Variants in CSMD1 observed in about 807,000 individuals in gnomAD.
CSMD1 encodes the protein CUB and Sushi multiple domains 1.
CSMD1 carries 213 observed loss-of-function variants against 417.5 expected under a neutral mutation model. The ratio of observed to expected loss-of-function variants is 0.51; its 90% confidence interval spans 0.46 to 0.57. CSMD1 has a LOEUF of 0.57. CSMD1 is among the 20% of genes least tolerant of loss of function. The pLI, the probability that CSMD1 is intolerant of heterozygous loss-of-function variation, is 0.00. For synonymous variants in CSMD1, 2,862 were observed against 1,736.8 expected (o/e 1.65, Z -16.11); for missense variants, 6,923 against 4,529.7 (o/e 1.53, Z -15.17).
intron 5 of CSMD1, among the ~76,000 whole-genome samples, chr8:3,894,245 A>G (rs1807193872): frequency 6.6e-6 from 1 of 152,106 alleles, no homozygotes; most frequent in Non-Finnish European, 1.5e-5. Context: ...AGCTGTCAAC[A>G]TCTGCAGTCC....
chr8:4,097,436 A>C (rs564910894), intron 3 of CSMD1, among the ~76,000 whole-genome samples: 1 of 152,364 alleles, frequency 6.6e-6, no homozygotes, highest in Non-Finnish European at 1.5e-5. Flanking sequence ...TACGCTAAAT[A>C]AAGCATCTTT....
chr8:4,377,873 A>T (rs1802855559), intron 3 of CSMD1, among the ~76,000 whole-genome samples: 1 of 152,222 alleles, frequency 6.6e-6, no homozygotes, highest in Admixed American at 6.5e-5. Flanking sequence ...ATTACTGCCG[A>T]AATGAATTGA....
At chr8:3,924,194 A>G (rs1471087899) in intron 5 of CSMD1, among the ~76,000 whole-genome samples, 2 of 152,176 alleles carry the variant, frequency 1.3e-5, no homozygotes, top group Non-Finnish European at 2.9e-5. Flanking sequence ...TTACTTTCAT[A>G]ACTTTGGATA....
chr8:4,363,345 G>C (rs559017815), intron 3 of CSMD1, among the ~76,000 whole-genome samples: 58 of 152,236 alleles, frequency 3.8e-4, no homozygotes, highest in Non-Finnish European at 4.7e-4. Flanking sequence ...AACTGTTTTA[G>C]GTACTCGTAT....
intron 7 of CSMD1, among the ~76,000 whole-genome samples, chr8:3,694,620 C>A (rs1166413566): frequency 5.9e-5 from 9 of 151,942 alleles, no homozygotes; most frequent in African/African-American, 2.2e-4. Context: ...GGACCCAGCC[C>A]TGGGCATGAG....
At chr8:4,420,436 G>T (rs944048170) in intron 2 of CSMD1, among the ~76,000 whole-genome samples, 4 of 151,964 alleles carry the variant, frequency 2.6e-5, no homozygotes, top group African/African-American at 9.7e-5. Flanking sequence ...TTAGGTAGGT[G>T]AAGGTGCGTC....
At chr8:4,896,426 A>T (rs1804486079) in intron 1 of CSMD1, among the ~76,000 whole-genome samples, 1 of 152,090 alleles carries the variant, frequency 6.6e-6, no homozygotes, top group Non-Finnish European at 1.5e-5. Context: ...TGTTTTCTCA[A>T]TTCTTTTGTT....
chr8:4,795,415 G>A (rs1294323500), intron 1 of CSMD1, among the ~76,000 whole-genome samples: 1 of 151,368 alleles, frequency 6.6e-6, no homozygotes, highest in Non-Finnish European at 1.5e-5. Flanking sequence ...GGGATTACAG[G>A]TACCCAGCAC....
chr8:4,062,915 C>CAA (rs71205413), intron 3 of CSMD1, among the ~76,000 whole-genome samples: 63,246 of 147,194 alleles, frequency 0.43, 14,020 homozygotes, highest in Non-Finnish European at 0.47. Flanking sequence ...CTGATCATTG[C>CAA]AAAAAAAAAA....
At chr8:4,197,846 T>G (rs1296860995) in intron 3 of CSMD1, among the ~76,000 whole-genome samples, 2 of 152,124 alleles carry the variant, frequency 1.3e-5, no homozygotes, top group Non-Finnish European at 2.9e-5. Flanking sequence ...GCTACCACAC[T>G]CCAGCCTGGG....
At chr8:3,410,453 G>T (rs1812614531) in intron 12 of CSMD1, among the ~76,000 whole-genome samples, 1 of 152,134 alleles carries the variant, frequency 6.6e-6, no homozygotes, top group Non-Finnish European at 1.5e-5. Context: ...CATGGGGGCA[G>T]GTCTTTCCTG....
At chr8:4,497,512 A>C (rs542370136) in intron 2 of CSMD1, among the ~76,000 whole-genome samples, 2 of 152,268 alleles carry the variant, frequency 1.3e-5, no homozygotes, top group African/African-American at 4.8e-5. Flanking sequence ...CCTTTCCCAA[A>C]TCCAGCTTGT....
At chr8:4,179,435 G>A (rs1798232699) in intron 3 of CSMD1, among the ~76,000 whole-genome samples, 1 of 151,908 alleles carries the variant, frequency 6.6e-6, no homozygotes, top group Non-Finnish European at 1.5e-5. Flanking sequence ...ATTCAAGATG[G>A]ATTAAAGACT....
At chr8:4,189,390 C>G (rs1798879672) in intron 3 of CSMD1, among the ~76,000 whole-genome samples, 2 of 152,166 alleles carry the variant, frequency 1.3e-5, no homozygotes, top group South Asian at 2.1e-4. Context: ...TATTCTAACT[C>G]TACCTAAAAG....
rs1554492702 is a variant in CSMD1, at chr8:4,480,200, A to AC, written c.303-60136dup. ...ATTGTTATCTCACAAAAAAAAAAAAACAAAAAAAAACCGAGAAGGAAATTA... is the reference window on the plus strand; with the variant it reads ...ATTGTTATCTCACAAAAAAAAAAAAACCAAAAAAAAACCGAGAAGGAAATTA... On this transcript the variant is annotated intron_variant, in intron 2 of 69. Transcript: ENST00000635120. Among the ~76,000 whole-genome samples the AC allele has an allele frequency of 9.8e-4, 147 of 150,186 alleles. 1 individual carries two copies. In the East Asian group the frequency reaches 0.024, roughly 25 times the overall value.
At chr8:4,343,561 T>G (rs185310700) in intron 3 of CSMD1, among the ~76,000 whole-genome samples, 16 of 152,152 alleles carry the variant, frequency 1.1e-4, no homozygotes, top group African/African-American at 3.9e-4. Flanking sequence ...GTCAATTATA[T>G]ATCAATAGAG....
At chr8:4,009,002 GC>G (rs1816349271) in intron 4 of CSMD1, among the ~76,000 whole-genome samples, 1 of 152,036 alleles carries the variant, frequency 6.6e-6, no homozygotes, top group Non-Finnish European at 1.5e-5. Context: ...TAGGTTTTGT[GC>G]CCATACCGAA....
intron 26 of CSMD1, among the ~76,000 whole-genome samples, chr8:3,251,068 T>C (rs1209848737): frequency 6.6e-6 from 1 of 152,208 alleles, no homozygotes; most frequent in Non-Finnish European, 1.5e-5. Flanking sequence ...TTTAGTTTAA[T>C]TAGATCCCGT....
chr8:4,268,385 C>G (rs954859621), intron 3 of CSMD1, among the ~76,000 whole-genome samples: 4 of 152,114 alleles, frequency 2.6e-5, no homozygotes, highest in Admixed American at 6.5e-5. Context: ...TTAGTTAATT[C>G]TCTCAAGAGG....
Sources: gnomAD v4.1 joint callset for allele counts (sites outside exome capture counted in the v4.1 genomes callset) on GRCh38, gnomAD v4.1.1 for gene constraint, MANE v1.5 for transcripts, NCBI Gene and HGNC (gene_info 2026-07-23, HGNC 2026-07-21) for gene names.